Variants in GRIP1 observed in about 807,000 individuals in gnomAD.
GRIP1 encodes the protein glutamate receptor-interacting protein 1.
A neutral mutation model predicts 129.9 loss-of-function variants in GRIP1; 45 were observed. The observed-to-expected ratio is 0.35, with a 90% CI of 0.27 to 0.44. The LOEUF (loss-of-function observed/expected upper bound fraction) is 0.44, where lower values mean the gene tolerates loss of function less well. GRIP1 is among the 20% of genes least tolerant of loss of function. GRIP1 has a pLI of 1.00. For missense variants in GRIP1, 1,196 were observed against 1,396.8 expected (o/e 0.86, Z 2.29); for synonymous variants, 530 against 520.8 (o/e 1.02, Z -0.24).
At chr12:66,875,411 A>G (rs1327059127) in intron 1 of GRIP1, among the ~76,000 whole-genome samples, 1 of 152,080 alleles carries the variant, frequency 6.6e-6, no homozygotes, top group African/African-American at 2.4e-5. Context: ...AGTGAACAGG[A>G]AGTGACCTGG....
In GRIP1 at chr12:66,744,322, C is replaced by T. The variant is rs1443787228; in HGVS notation, c.-420+59731G>A. On this transcript the variant is annotated intron_variant, in intron 1 of 4. Transcript: ENST00000538373. ...AGGATAGGCTTTCTCTTCCCTTTCA[C>T]GCTTTCTCTAGTCATTACATTTTTT... is the stretch of plus-strand genomic sequence containing the variant. Among the ~76,000 whole-genome samples the T allele has an allele frequency of 3.3e-5, 5 of 152,034 alleles. No individual in the cohort carries two copies. In the South Asian group the frequency reaches 6.2e-4, roughly 19 times the overall value.
chr12:66,663,230 T>TA, intron 1 of GRIP1, among the ~76,000 whole-genome samples: 1 of 152,190 alleles, frequency 6.6e-6, no homozygotes, highest in East Asian at 1.9e-4. Flanking sequence ...ACACTAATGA[T>TA]AAAATGCTTA....
intron 3 of GRIP1, among the ~76,000 whole-genome samples, chr12:66,540,409 C>T (rs1047362047): frequency 2.0e-5 from 3 of 152,198 alleles, no homozygotes; most frequent in African/African-American, 7.2e-5. Flanking sequence ...TCCATTCACA[C>T]TTGCCTTAAG....
intron 1 of GRIP1, among the ~76,000 whole-genome samples, chr12:66,958,502 G>C (rs2041876059): frequency 6.6e-6 from 1 of 152,178 alleles, no homozygotes; most frequent in Non-Finnish European, 1.5e-5. Flanking sequence ...TCCTGTGCCA[G>C]CACCAGAATC....
intron 1 of GRIP1, among the ~76,000 whole-genome samples, chr12:66,809,591 A>C (rs1402252215): frequency 6.6e-6 from 1 of 152,146 alleles, no homozygotes; most frequent in Non-Finnish European, 1.5e-5. Flanking sequence ...AATGATTTGT[A>C]ATATCCCTTC....
intron 1 of GRIP1, among the ~76,000 whole-genome samples, chr12:66,659,626 A>G (rs1698472860): frequency 6.6e-6 from 1 of 152,266 alleles, no homozygotes; most frequent in Admixed American, 6.5e-5. Flanking sequence ...CTAATTTAAT[A>G]TAAACTCTAT....
intron 1 of GRIP1, among the ~76,000 whole-genome samples, chr12:66,823,411 A>T (rs1164735148): frequency 6.6e-6 from 1 of 152,118 alleles, no homozygotes; most frequent in Non-Finnish European, 1.5e-5. Context: ...TATTTGGTTG[A>T]TTACCCAATA....
chr12:66,789,731 T>G (rs2038468445), intron 1 of GRIP1, among the ~76,000 whole-genome samples: 1 of 152,152 alleles, frequency 6.6e-6, no homozygotes. Flanking sequence ...TCCGAATTAC[T>G]TCTCCCTTGA....
chr12:66,704,826 T>C (rs1374547783), intron 1 of GRIP1, among the ~76,000 whole-genome samples: 1 of 152,130 alleles, frequency 6.6e-6, no homozygotes, highest in Non-Finnish European at 1.5e-5. Context: ...CCATTATTCC[T>C]CTAGATAATT....
chr12:66,656,805 C>A (rs188685768), intron 1 of GRIP1, among the ~76,000 whole-genome samples: 26 of 152,192 alleles, frequency 1.7e-4, no homozygotes, highest in Non-Finnish European at 8.8e-5. Context: ...TGCAACCCGA[C>A]CTCCTCTTCT....
intron 1 of GRIP1, among the ~76,000 whole-genome samples, chr12:67,054,738 T>C (rs2043405934): frequency 2.0e-5 from 3 of 147,460 alleles, no homozygotes; most frequent in South Asian, 4.3e-4. Context: ...CACTCCAGAC[T>C]GGGTGACACA....
At chr12:66,947,832 C>T (rs959191527) in intron 1 of GRIP1, among the ~76,000 whole-genome samples, 20 of 152,214 alleles carry the variant, frequency 1.3e-4, no homozygotes, top group Non-Finnish European at 2.9e-5. Context: ...CACAAAACCA[C>T]AGATAGTGAC....
chr12:66,444,348 C>T (rs899984978), intron 13 of GRIP1, among the ~76,000 whole-genome samples: 10 of 150,990 alleles, frequency 6.6e-5, no homozygotes, highest in Admixed American at 6.6e-5. Flanking sequence ...TAGCCGGGCG[C>T]GGTGGCGGGC....
At chr12:66,980,696 T>C (rs1022956213) in intron 1 of GRIP1, among the ~76,000 whole-genome samples, 1 of 152,186 alleles carries the variant, frequency 6.6e-6, no homozygotes, top group African/African-American at 2.4e-5. Context: ...AATGAGAAAA[T>C]TGAGACAAGA....
At chr12:66,605,933 A>G (rs890390969) in intron 1 of GRIP1, among the ~76,000 whole-genome samples, 2 of 152,172 alleles carry the variant, frequency 1.3e-5, no homozygotes. Context: ...TGTATAGTAT[A>G]TATTTATAAC....
At chr12:66,939,756 T>TA (rs1235699763) in intron 1 of GRIP1, among the ~76,000 whole-genome samples, 2 of 152,330 alleles carry the variant, frequency 1.3e-5, no homozygotes, top group East Asian at 1.9e-4. Flanking sequence ...GGAAATATCT[T>TA]AGAGTTCACA....
intron 5 of GRIP1, among the ~76,000 whole-genome samples, chr12:66,520,364 A>G (rs2060963785): frequency 6.6e-6 from 1 of 152,210 alleles, no homozygotes; most frequent in African/African-American, 2.4e-5. Flanking sequence ...CAGAAATCCT[A>G]TATTTGATTC....
chr12:66,408,100 C>A (rs2057261436), intron 15 of GRIP1, among the ~76,000 whole-genome samples: 1 of 152,214 alleles, frequency 6.6e-6, no homozygotes, highest in South Asian at 2.1e-4. Context: ...CCCAGGGCTG[C>A]AAGGGAACCT....
At chr12:66,811,487 G>T (rs1443265626) in intron 1 of GRIP1, among the ~76,000 whole-genome samples, 1 of 148,774 alleles carries the variant, frequency 6.7e-6, no homozygotes, top group African/African-American at 2.5e-5. Context: ...GTCTTTTAAG[G>T]TAATTGTGAG....
Sources: allele counts gnomAD v4.1 joint callset (sites outside exome capture counted in the v4.1 genomes callset), GRCh38; gene constraint gnomAD v4.1.1; transcripts MANE v1.5; gene names NCBI Gene and HGNC (gene_info 2026-07-23, HGNC 2026-07-21).